ROR1: variants seen among roughly 807,000 people sequenced by gnomAD.
ROR1 encodes the protein inactive tyrosine-protein kinase transmembrane receptor ROR1.
A neutral mutation model predicts 78.8 loss-of-function variants in ROR1; 19 were observed. The ratio of observed to expected loss-of-function variants is 0.24; its 90% CI spans 0.17 to 0.35. The LOEUF (loss-of-function observed/expected upper bound fraction) is 0.35. Ranked by LOEUF, ROR1 falls within the 10% of genes least tolerant of loss-of-function variation. The pLI is 1.00. For missense variants in ROR1, 917 were observed against 1,177.8 expected (o/e 0.78, Z 3.24); for synonymous variants, 386 against 433.6 (o/e 0.89, Z 1.36).
chr1:64,080,746 C>T (rs834347), intron 4 of ROR1, among the ~76,000 whole-genome samples: 55,213 of 152,088 alleles, frequency 0.36, 13,282 homozygotes, highest in African/African-American at 0.69. Flanking sequence ...GGACAAGCTA[C>T]AGATACAGCC....
chr1:63,886,358 G>T (rs1645357341), intron 1 of ROR1, among the ~76,000 whole-genome samples: 2 of 152,126 alleles, frequency 1.3e-5, no homozygotes, highest in South Asian at 2.1e-4. Context: ...TTCTTTTTTG[G>T]AAAATGAGGT....
At chr1:64,004,225 T>C (rs1646410127) in intron 1 of ROR1, among the ~76,000 whole-genome samples, 1 of 152,224 alleles carries the variant, frequency 6.6e-6, no homozygotes, top group Non-Finnish European at 1.5e-5. Context: ...GGAGATTGTA[T>C]GACATAATGT....
chr1:63,943,873 T>C (rs532555422), intron 1 of ROR1, among the ~76,000 whole-genome samples: 13 of 152,334 alleles, frequency 8.5e-5, no homozygotes, highest in African/African-American at 3.1e-4. Context: ...AGCTCAGACA[T>C]AATCACTGTA....
intron 4 of ROR1, chr1:64,066,851 T>G (rs1476729795): frequency 6.6e-6 from 1 of 152,152 alleles, no homozygotes; most frequent in Non-Finnish European, 1.5e-5. Context: ...AATATAAAAT[T>G]ATTACCCGCT....
chr1:63,914,409 G>A lies in ROR1; in HGVS notation c.92-94896G>A, dbSNP rs906215865. 2.6e-5 allele frequency among the ~76,000 whole-genome samples: 4 copies of A among 152,168 alleles called. No homozygotes were observed. The East Asian group carries it at 7.7e-4, about 29-fold the overall frequency. Reference sequence around the variant, plus strand: ...ACTTCCTAGGGAGAGGAAGGCAGGAGGAGAGAGAAAGTAGCATGCTGCAGG... The same window carrying A: ...ACTTCCTAGGGAGAGGAAGGCAGGAAGAGAGAGAAAGTAGCATGCTGCAGG... On this transcript the variant is annotated intron_variant, in intron 1 of 8. Coordinates refer to ENST00000371079, the MANE Select transcript of ROR1 (RefSeq NM_005012.4).
intron 1 of ROR1, among the ~76,000 whole-genome samples, chr1:63,873,927 A>T (rs1645267258): frequency 6.6e-6 from 1 of 152,148 alleles, no homozygotes; most frequent in African/African-American, 2.4e-5. Flanking sequence ...CCTGACTCAG[A>T]AATTGTAAAA....
chr1:63,842,092 T>TCAAA (rs946588099), intron 1 of ROR1, among the ~76,000 whole-genome samples: 2 of 152,300 alleles, frequency 1.3e-5, no homozygotes, highest in South Asian at 2.1e-4. Flanking sequence ...ACTTCAACCT[T>TCAAA]CAAACAAACA....
intron 1 of ROR1, among the ~76,000 whole-genome samples, chr1:63,947,293 G>T (rs2100465036): frequency 6.6e-6 from 1 of 152,262 alleles, no homozygotes. Context: ...TGGGGCTTAT[G>T]CATTACCATC....
chr1:64,002,142 T>G (rs1187325483), intron 1 of ROR1, among the ~76,000 whole-genome samples: 2 of 149,706 alleles, frequency 1.3e-5, no homozygotes, highest in African/African-American at 4.9e-5. Flanking sequence ...TTTTTTTTTT[T>G]TTTTTTTTTT....
At chr1:64,013,011 A>C (rs562592975) in intron 2 of ROR1, among the ~76,000 whole-genome samples, 9 of 152,090 alleles carry the variant, frequency 5.9e-5, no homozygotes, top group African/African-American at 2.2e-4. Flanking sequence ...TGACTCCACT[A>C]TGCGTTTCCT....
intron 1 of ROR1, among the ~76,000 whole-genome samples, chr1:63,932,530 G>T (rs147495666): frequency 2.6e-5 from 4 of 152,236 alleles, no homozygotes; most frequent in African/African-American, 9.6e-5. Context: ...TGGCTTGGTC[G>T]GTAGCATTTC....
At chr1:63,990,230 G>A (rs919858730) in intron 1 of ROR1, among the ~76,000 whole-genome samples, 1 of 152,148 alleles carries the variant, frequency 6.6e-6, no homozygotes, top group Non-Finnish European at 1.5e-5. Context: ...TGTTGCTGAA[G>A]GGAATACCTA....
At chr1:63,950,002 T>G (rs1332648420) in intron 1 of ROR1, among the ~76,000 whole-genome samples, 2 of 152,182 alleles carry the variant, frequency 1.3e-5, no homozygotes, top group Non-Finnish European at 2.9e-5. Context: ...CCAAATCTGT[T>G]AGAATCACCG....
In ROR1 at chr1:64,115,086, T is replaced by A. The variant is rs538649398; in HGVS notation, c.483-22283T>A. On this transcript the variant is annotated intron_variant, in intron 4 of 8. Transcript: ENST00000371079. ...CTCAAGCAATCCCCCTACCTCAGCC[T>A]CCCGAGTAGCTGGGACTACAGGCAC... Among the ~76,000 whole-genome samples, 58 of 152,220 alleles carry A rather than the reference T, an allele frequency of 3.8e-4. No individual in the cohort carries two copies. The South Asian group carries it at 0.012, about 32-fold the overall frequency.
intron 2 of ROR1, among the ~76,000 whole-genome samples, chr1:64,020,273 A>G (rs1347488423): frequency 1.3e-5 from 2 of 152,212 alleles, no homozygotes; most frequent in East Asian, 1.9e-4. Flanking sequence ...TGAACCCAGA[A>G]TTCAAACCCA....
intron 1 of ROR1, among the ~76,000 whole-genome samples, chr1:63,986,673 C>T (rs1646254613): frequency 6.6e-6 from 1 of 151,988 alleles, no homozygotes; most frequent in Non-Finnish European, 1.5e-5. Flanking sequence ...TGAGAGGATC[C>T]CTTGAGCCCA....
intron 7 of ROR1, among the ~76,000 whole-genome samples, chr1:64,145,519 TAC>T (rs745602371): frequency 2.6e-5 from 4 of 152,220 alleles, no homozygotes; most frequent in Non-Finnish European, 5.9e-5. Flanking sequence ...CCGGGTTTCA[TAC>T]ACCTTCATAT....
chr1:63,918,979 T>G (rs1645631977), intron 1 of ROR1, among the ~76,000 whole-genome samples: 1 of 149,432 alleles, frequency 6.7e-6, no homozygotes, highest in Non-Finnish European at 1.5e-5. Flanking sequence ...GCCTTGAAAG[T>G]TCAGTATTAA....
chr1:64,080,268 T>A (rs1008368147), intron 4 of ROR1, among the ~76,000 whole-genome samples: 7 of 152,166 alleles, frequency 4.6e-5, no homozygotes, highest in African/African-American at 1.7e-4. Flanking sequence ...TTGATTGTCA[T>A]GACTGGAGAG....
Sources: allele counts gnomAD v4.1 joint callset (sites outside exome capture counted in the v4.1 genomes callset), GRCh38; gene constraint gnomAD v4.1.1; transcripts MANE v1.5; gene names NCBI Gene and HGNC (gene_info 2026-07-23, HGNC 2026-07-21).